Variants in NFIB observed in about 807,000 individuals in gnomAD.
NFIB encodes nuclear factor 1 B-type.
In NFIB, 11 loss-of-function variants were observed where a neutral mutation model predicts 61.5. The observed-to-expected ratio is 0.18, with a 90% CI of 0.11 to 0.30. The LOEUF is 0.30. NFIB is among the 10% of genes least tolerant of loss of function. The probability of loss-of-function intolerance (pLI) is 1.00; values close to 1 mark genes in which losing one functional copy is unlikely to be tolerated. For synonymous variants in NFIB, 260 were observed against 216.5 expected (o/e 1.20, Z -1.76); for missense variants, 471 against 608.9 (o/e 0.77, Z 2.38).
intron 1 of NFIB, among the ~76,000 whole-genome samples, chr9:14,328,483 C>G (rs2060781587): frequency 6.6e-6 from 1 of 151,736 alleles, no homozygotes; most frequent in African/African-American, 2.4e-5. Flanking sequence ...ATATTTTAAC[C>G]ATTATCTTTA....
At chr9:14,229,008 G>A (rs890276365) in intron 2 of NFIB, among the ~76,000 whole-genome samples, 52 of 149,324 alleles carry the variant, frequency 3.5e-4, no homozygotes, top group African/African-American at 1.2e-3. Flanking sequence ...TTGTAAAAAC[G>A]CTTTGGGCAG....
At chr9:14,097,705 A>C (rs1052898244) in intron 10 of NFIB, among the ~76,000 whole-genome samples, 3 of 152,000 alleles carry the variant, frequency 2.0e-5, no homozygotes, top group African/African-American at 7.3e-5. Flanking sequence ...CCATTATTGA[A>C]AGTTATTTTT....
chr9:14,124,873 T>C (rs1194166106), intron 7 of NFIB, among the ~76,000 whole-genome samples: 4 of 152,204 alleles, frequency 2.6e-5, no homozygotes, highest in African/African-American at 9.6e-5. Flanking sequence ...AAAAGTACCT[T>C]TTATTCTCTG....
chr9:14,128,743 A>G (rs2040027617), intron 6 of NFIB, among the ~76,000 whole-genome samples: 1 of 152,038 alleles, frequency 6.6e-6, no homozygotes, highest in African/African-American at 2.4e-5. Flanking sequence ...GAGAAACAGA[A>G]CAGTGTCGTT....
At chr9:14,152,949 C>T (rs1167152182) in intron 4 of NFIB, among the ~76,000 whole-genome samples, 1 of 151,698 alleles carries the variant, frequency 6.6e-6, no homozygotes, top group African/African-American at 2.4e-5. Flanking sequence ...GAATAATTTC[C>T]AGTATTTGAT....
At chr9:14,320,979 T>G (rs1241810078) in intron 1 of NFIB, among the ~76,000 whole-genome samples, 4 of 152,070 alleles carry the variant, frequency 2.6e-5, no homozygotes, top group Non-Finnish European at 5.9e-5. Context: ...CTGTCCTGTC[T>G]CAAGTTCAGT....
At chr9:14,130,058 T>A (rs1252589009) in intron 6 of NFIB, among the ~76,000 whole-genome samples, 1 of 152,150 alleles carries the variant, frequency 6.6e-6, no homozygotes, top group Non-Finnish European at 1.5e-5. Flanking sequence ...GAAAAAACTT[T>A]CCAAAAATTT....
chr9:14,299,806 T>C (rs991766476), intron 2 of NFIB, among the ~76,000 whole-genome samples: 1 of 152,210 alleles, frequency 6.6e-6, no homozygotes, highest in East Asian at 1.9e-4. Context: ...ATAAACAATA[T>C]AGTTATGCAT....
the NFIB span, among the ~76,000 whole-genome samples, chr9:14,489,777 C>G: frequency 6.6e-6 from 1 of 151,966 alleles, no homozygotes; most frequent in African/African-American, 2.4e-5. Context: ...CATATCTATA[C>G]ACATATATTA....
At chr9:14,321,981 T>C (rs1354685582) in intron 1 of NFIB, 12 of 1,230,946 alleles carry the variant, frequency 9.7e-6, no homozygotes, top group African/African-American at 1.6e-5. Flanking sequence ...ATCTTGAGTC[T>C]GTAACAGAAC....
intron 2 of NFIB, among the ~76,000 whole-genome samples, chr9:14,203,717 A>G (rs1364325615): frequency 6.6e-6 from 1 of 152,214 alleles, no homozygotes. Flanking sequence ...CAAAATGTGT[A>G]TTTCCCTCAT....
chr9:14,092,519 C>T (rs146407006), intron 10 of NFIB, among the ~76,000 whole-genome samples: 25 of 152,102 alleles, frequency 1.6e-4, no homozygotes, highest in African/African-American at 5.8e-4. Context: ...GGCCATTTCA[C>T]TATATTATAT....
chr9:14,438,969 G>C, the NFIB span, among the ~76,000 whole-genome samples: 1 of 152,174 alleles, frequency 6.6e-6, no homozygotes, highest in African/African-American at 2.4e-5. Flanking sequence ...ATCACATTAA[G>C]ATTCTGAGGT....
intron 2 of NFIB, among the ~76,000 whole-genome samples, chr9:14,280,582 A>G (rs1424637245): frequency 6.6e-6 from 1 of 152,176 alleles, no homozygotes; most frequent in Admixed American, 6.5e-5. Flanking sequence ...AACACACCTT[A>G]AAAGAATAAG....
At chr9:14,397,333 T>C (rs1295621039) in intron 1 of NFIB, among the ~76,000 whole-genome samples, 1 of 152,208 alleles carries the variant, frequency 6.6e-6, no homozygotes, top group Non-Finnish European at 1.5e-5. Flanking sequence ...GATAACTGTG[T>C]ATTTGTGCCA....
chr9:14,218,310 G>C (rs2051195334), intron 2 of NFIB, among the ~76,000 whole-genome samples: 1 of 152,112 alleles, frequency 6.6e-6, no homozygotes, highest in African/African-American at 2.4e-5. Context: ...TCAAGAGTCT[G>C]ACTCCAAATA....
At chr9:14,188,860 G>A (rs967271636) in intron 2 of NFIB, among the ~76,000 whole-genome samples, 3 of 152,156 alleles carry the variant, frequency 2.0e-5, no homozygotes, top group South Asian at 2.1e-4. Flanking sequence ...AAGGTATGTA[G>A]TGCAAAGAAA....
At chr9:14,264,027 A>G (rs2056998418) in intron 2 of NFIB, among the ~76,000 whole-genome samples, 1 of 152,196 alleles carries the variant, frequency 6.6e-6, no homozygotes, top group Non-Finnish European at 1.5e-5. Flanking sequence ...AATATAATAA[A>G]AGGATTAGAG....
At chr9:14,519,885 T>C in the NFIB span, among the ~76,000 whole-genome samples, 1 of 152,218 alleles carries the variant, frequency 6.6e-6, no homozygotes, top group African/African-American at 2.4e-5. Flanking sequence ...CCCTTAACCA[T>C]AATGCTATTC....
Sources: allele counts gnomAD v4.1 joint callset (sites outside exome capture counted in the v4.1 genomes callset), GRCh38; gene constraint gnomAD v4.1.1; transcripts MANE v1.5; gene names NCBI Gene and HGNC (gene_info 2026-07-23, HGNC 2026-07-21).